The following ACOXL variants were observed in gnomAD, a reference collection of about 807,000 sequenced individuals.
ACOXL encodes the protein acyl-CoA oxidase like, also known as acyl-coenzyme A oxidase-like protein.
A neutral mutation model predicts 71.9 loss-of-function variants in ACOXL; 70 were observed. The ratio of observed to expected loss-of-function variants is 0.97; its 90% confidence interval spans 0.80 to 1.19. The LOEUF (loss-of-function observed/expected upper bound fraction) is 1.19, where lower values mean the gene tolerates loss of function less well. Among genes scored for constraint, ACOXL ranks in the 50% most tolerant of loss-of-function variants. ACOXL has a pLI of 0.00. For missense variants in ACOXL, 703 were observed against 736.3 expected (o/e 0.95, Z 0.52); for synonymous variants, 253 against 281.6 (o/e 0.90, Z 1.02).
chr2:110,886,931 C>T, intron 10 of ACOXL: 1 of 1,508,432 alleles, frequency 6.6e-7, no homozygotes, highest in Non-Finnish European at 9.0e-7. Context: ...TCTGGGTTTT[C>T]CCGTGGCAGA....
intron 10 of ACOXL, among the ~76,000 whole-genome samples, chr2:110,847,372 C>T (rs181116180): frequency 1.4e-4 from 22 of 152,250 alleles, no homozygotes; most frequent in East Asian, 3.9e-4. Context: ...GGAGAGAACA[C>T]GTGAACTAAT....
intron 12 of ACOXL, among the ~76,000 whole-genome samples, chr2:110,971,429 T>A (rs971053188): frequency 6.6e-6 from 1 of 152,228 alleles, no homozygotes; most frequent in Non-Finnish European, 1.5e-5. Flanking sequence ...CTGCATAGGA[T>A]CTCTCTGAAT....
intron 1 of ACOXL, among the ~76,000 whole-genome samples, chr2:110,755,897 TAAAG>T (rs1679618211): frequency 6.6e-6 from 1 of 151,868 alleles, no homozygotes; most frequent in African/African-American, 2.4e-5. Context: ...AGTGTGTCCT[TAAAG>T]AAATTAAAAA....
At position 110,826,867 on chromosome 2, in the gene ACOXL, T is replaced by C. The variant is rs138233530; in HGVS notation, c.754-14504T>C. ...GTCCTTTTAGTGTACAGTTCACCTG[T>C]ACACCAAAAGATCCTAGTCTCTTCT... On this transcript the variant is annotated intron_variant, in intron 9 of 17. Transcript: ENST00000439055. Among the ~76,000 whole-genome samples, 53 of 151,940 alleles carry C rather than the reference T, an allele frequency of 3.5e-4. No individual in the cohort carries two copies. The East Asian group carries it at 0.01, about 29-fold the overall frequency.
At chr2:110,848,669 C>T (rs1219810285) in intron 10 of ACOXL, among the ~76,000 whole-genome samples, 1 of 152,196 alleles carries the variant, frequency 6.6e-6, no homozygotes, top group Non-Finnish European at 1.5e-5. Flanking sequence ...AGTCCCCTGT[C>T]TCCTTTGGGT....
chr2:111,027,632 T>A (rs1257585406), intron 14 of ACOXL, among the ~76,000 whole-genome samples: 1 of 152,224 alleles, frequency 6.6e-6, no homozygotes. Context: ...TTGTTTTTTT[T>A]ATTGAATAAG....
chr2:110,993,033 C>A (rs182572169), intron 13 of ACOXL, among the ~76,000 whole-genome samples: 10 of 152,286 alleles, frequency 6.6e-5, no homozygotes, highest in Admixed American at 5.9e-4. Flanking sequence ...TGGAACTCAC[C>A]CATCCATTCA....
chr2:111,085,083 GT>G (rs2068141599), intron 16 of ACOXL, among the ~76,000 whole-genome samples: 1 of 152,094 alleles, frequency 6.6e-6, no homozygotes, highest in African/African-American at 2.4e-5. Flanking sequence ...CATAAAGCAG[GT>G]TCTTAAGAGA....
At chr2:110,963,613 TTC>T (rs1483047786) in intron 12 of ACOXL, 17 of 1,610,156 alleles carry the variant, frequency 1.1e-5, no homozygotes, top group Non-Finnish European at 1.4e-5. Flanking sequence ...GTTTTTCTCT[TTC>T]TGCAACAGGG....
chr2:110,974,049 G>T (rs1420212974), intron 12 of ACOXL, among the ~76,000 whole-genome samples: 1 of 152,204 alleles, frequency 6.6e-6, no homozygotes, highest in African/African-American at 2.4e-5. Flanking sequence ...GCATCCAGGG[G>T]TGATGCCTCC....
At chr2:110,893,933 CAT>C (rs1366148188) in intron 10 of ACOXL, among the ~76,000 whole-genome samples, 4 of 152,198 alleles carry the variant, frequency 2.6e-5, no homozygotes, top group African/African-American at 9.6e-5. Context: ...GAAAATATGA[CAT>C]ATGTGTTACG....
At chr2:111,019,242 C>T (rs2064625285) in intron 14 of ACOXL, among the ~76,000 whole-genome samples, 1 of 152,144 alleles carries the variant, frequency 6.6e-6, no homozygotes, top group Non-Finnish European at 1.5e-5. Context: ...ATTCCTCCAT[C>T]CACCAGGACA....
chr2:110,908,175 A>G (rs1228758072), intron 10 of ACOXL, among the ~76,000 whole-genome samples: 1 of 152,208 alleles, frequency 6.6e-6, no homozygotes, highest in Non-Finnish European at 1.5e-5. Flanking sequence ...ATCCCACACC[A>G]CTTTAAAAAT....
At chr2:110,761,645 A>G (rs1397988289) in intron 1 of ACOXL, among the ~76,000 whole-genome samples, 7 of 152,194 alleles carry the variant, frequency 4.6e-5, no homozygotes, top group Non-Finnish European at 1.5e-5. Context: ...ATCCTACTGT[A>G]CACCCATACT....
At chr2:110,984,676 G>T (rs1260685193) in intron 12 of ACOXL, among the ~76,000 whole-genome samples, 1 of 152,130 alleles carries the variant, frequency 6.6e-6, no homozygotes, top group Admixed American at 6.5e-5. Context: ...TTTAATCCTA[G>T]TTAGAGTGAG....
At chr2:111,000,356 T>C (rs539767023) in intron 14 of ACOXL, among the ~76,000 whole-genome samples, 4 of 152,296 alleles carry the variant, frequency 2.6e-5, no homozygotes, top group Admixed American at 1.3e-4. Context: ...TGCCTTCTTA[T>C]TGTGGCTTTC....
chr2:110,750,954 G>A (rs954665285), intron 1 of ACOXL, among the ~76,000 whole-genome samples: 6 of 151,772 alleles, frequency 4.0e-5, no homozygotes, highest in Admixed American at 2.6e-4. Context: ...CAAAGTTCTG[G>A]GATTACAAGT....
chr2:110,980,931 C>T (rs1272258444), intron 12 of ACOXL, among the ~76,000 whole-genome samples: 2 of 152,210 alleles, frequency 1.3e-5, no homozygotes, highest in African/African-American at 4.8e-5. Flanking sequence ...CCTGTCATCT[C>T]GTCACATTAT....
chr2:111,065,175 G>A (rs1179713243), intron 16 of ACOXL, among the ~76,000 whole-genome samples: 1 of 152,214 alleles, frequency 6.6e-6, no homozygotes, highest in Non-Finnish European at 1.5e-5. Context: ...GATAAAAATA[G>A]GGAGTGCAGA....
Sources: allele counts gnomAD v4.1 joint callset (sites outside exome capture counted in the v4.1 genomes callset), GRCh38; gene constraint gnomAD v4.1.1; transcripts MANE v1.5; gene names NCBI Gene and HGNC (gene_info 2026-07-23, HGNC 2026-07-21).